PEAK1: variants seen among roughly 807,000 people sequenced by gnomAD.
PEAK1 encodes pseudopodium enriched atypical kinase 1, also known as inactive tyrosine-protein kinase PEAK1.
A neutral mutation model predicts 124.7 loss-of-function variants in PEAK1; 54 were observed. The ratio of observed to expected loss-of-function variants is 0.43; its 90% CI spans 0.35 to 0.54. PEAK1 has a LOEUF of 0.54. Among genes scored for constraint, PEAK1 ranks in the 20% least tolerant of loss-of-function variants. The probability of loss-of-function intolerance (pLI) is 0.01; values close to 1 mark genes in which losing one functional copy is unlikely to be tolerated. For synonymous variants in PEAK1, 719 were observed against 760.0 expected (o/e 0.95, Z 0.89); for missense variants, 2,046 against 2,134.5 (o/e 0.96, Z 0.82).
At chr15:77,403,673 T>C in intron 1 of PEAK1, 1 of 890,268 alleles carries the variant, frequency 1.1e-6, no homozygotes, top group Non-Finnish European at 1.3e-6. Flanking sequence ...TTAGTTTCCA[T>C]TCATCTCATT....
intron 7 of PEAK1, among the ~76,000 whole-genome samples, chr15:77,161,218 C>A (rs973251142): frequency 6.6e-6 from 1 of 152,224 alleles, no homozygotes; most frequent in African/African-American, 2.4e-5. Context: ...ATAGATTCCA[C>A]TGAGTTCTGG....
At chr15:77,242,631 C>G (rs1481054290) in intron 6 of PEAK1, among the ~76,000 whole-genome samples, 1 of 152,040 alleles carries the variant, frequency 6.6e-6, no homozygotes, top group Non-Finnish European at 1.5e-5. Flanking sequence ...GGGGTCTATT[C>G]TAATTGTTTT....
chr15:77,319,246 T>C (rs1409919830), intron 2 of PEAK1, among the ~76,000 whole-genome samples: 1 of 150,562 alleles, frequency 6.6e-6, no homozygotes, highest in Non-Finnish European at 1.5e-5. Context: ...TTGCCCCAAA[T>C]GTAGTTTAAA....
At chr15:77,350,465 T>G in intron 2 of PEAK1, 1 of 985,376 alleles carries the variant, frequency 1.0e-6, no homozygotes, top group Non-Finnish European at 1.2e-6. Context: ...AGTGTATATA[T>G]CTTAAGGTAT....
intron 2 of PEAK1, among the ~76,000 whole-genome samples, chr15:77,338,916 G>A (rs937444671): frequency 1.3e-5 from 2 of 151,886 alleles, no homozygotes; most frequent in East Asian, 1.9e-4. Context: ...GTAAAAAAGT[G>A]TCTAAATCTC....
intron 5 of PEAK1, among the ~76,000 whole-genome samples, chr15:77,283,268 C>T (rs1187312095): frequency 6.6e-6 from 1 of 152,080 alleles, no homozygotes; most frequent in Admixed American, 6.5e-5. Context: ...TGATTAGAAC[C>T]ATCTGGGAGA....
At chr15:77,137,502 G>C (rs972768695) in intron 8 of PEAK1, among the ~76,000 whole-genome samples, 1 of 152,214 alleles carries the variant, frequency 6.6e-6, no homozygotes, top group Non-Finnish European at 1.5e-5. Context: ...TGCAAGACAT[G>C]GAATCAAGGG....
intron 2 of PEAK1, chr15:77,355,802 T>G: frequency 1.0e-6 from 1 of 985,298 alleles, no homozygotes; most frequent in Non-Finnish European, 1.2e-6. Flanking sequence ...CCAATTCCTG[T>G]AGAATCGGAA....
intron 5 of PEAK1, among the ~76,000 whole-genome samples, chr15:77,263,417 C>T (rs146840966): frequency 5.9e-5 from 9 of 151,962 alleles, no homozygotes; most frequent in African/African-American, 9.6e-5. Flanking sequence ...AAATGATAAA[C>T]GGGATATCAC....
At chr15:77,317,605 T>C (rs1439312829) in intron 2 of PEAK1, among the ~76,000 whole-genome samples, 1 of 152,142 alleles carries the variant, frequency 6.6e-6, no homozygotes, top group Non-Finnish European at 1.5e-5. Flanking sequence ...CAGAGCTGGT[T>C]AAAAACAGAC....
At chr15:77,326,648 G>T (rs563650645) in intron 2 of PEAK1, among the ~76,000 whole-genome samples, 1 of 152,176 alleles carries the variant, frequency 6.6e-6, no homozygotes, top group South Asian at 2.1e-4. Context: ...TTAGCTCTTA[G>T]ATCCAATATC....
Position 77,114,254 on chromosome 15 carries a change from C to T in PEAK1, c.5143G>A (p.Gly1715Ser). 2 of 1,614,246 alleles carry T rather than the reference C, an allele frequency of 1.2e-6. No individual in the cohort carries two copies. Among genetic ancestry groups the T allele is most frequent in the Non-Finnish European group, 1.7e-6 (2 of 1,180,046 alleles). ...AGCCAGTCCTCAAGGCTGATTCCACCTTCCCTGTCCAGGGACTTCTCAGCA... is the reference window on the plus strand; with the variant it reads ...AGCCAGTCCTCAAGGCTGATTCCACTTTCCCTGTCCAGGGACTTCTCAGCA... The part of the protein sequence containing the change: ...KFAEKSLDRE[G>S]GISLEDWLCA... Residue 1715 changes from glycine (G) to serine (S), a missense_variant, in exon 10 of 10, where the codon GGT becomes AGT. Physicochemically the swap from Gly to Ser is moderately conservative, Grantham distance 56. Transcript: ENST00000682557.
At chr15:77,293,976 G>T (rs1244269101) in intron 2 of PEAK1, among the ~76,000 whole-genome samples, 1 of 152,168 alleles carries the variant, frequency 6.6e-6, no homozygotes, top group Non-Finnish European at 1.5e-5. Context: ...TAAGTGTGTT[G>T]ATTTGTTGCT....
intron 1 of PEAK1, among the ~76,000 whole-genome samples, chr15:77,377,798 G>A (rs1287136530): frequency 2.0e-5 from 3 of 152,082 alleles, no homozygotes; most frequent in Non-Finnish European, 2.9e-5. Context: ...TGTGGTCCTC[G>A]TTGACCAAAA....
chr15:77,149,933 A>G (rs1445420449), intron 8 of PEAK1, among the ~76,000 whole-genome samples: 2 of 152,014 alleles, frequency 1.3e-5, no homozygotes, highest in Non-Finnish European at 2.9e-5. Context: ...TATTTTTTGT[A>G]GAGATGGGGT....
intron 2 of PEAK1, chr15:77,334,048 T>C (rs1276223696): frequency 8.7e-6 from 6 of 690,576 alleles, no homozygotes; most frequent in Non-Finnish European, 1.8e-6. Flanking sequence ...GTTTAATCTC[T>C]GTACTTATTC....
At chr15:77,403,316 A>G (rs1034943507) in intron 1 of PEAK1, 5 of 952,992 alleles carry the variant, frequency 5.2e-6, no homozygotes, top group African/African-American at 3.5e-5. Flanking sequence ...AGTGCTAAAC[A>G]TGTTTTAAAA....
intron 8 of PEAK1, among the ~76,000 whole-genome samples, chr15:77,149,986 G>A (rs1360972744): frequency 6.6e-6 from 1 of 152,128 alleles, no homozygotes; most frequent in Non-Finnish European, 1.5e-5. Flanking sequence ...CTGAGCTCAA[G>A]TGATCTGCCC....
In PEAK1 at chr15:77,279,281, C is replaced by A. The variant is rs114262340; in HGVS notation, c.-275+4602G>T. 1.4e-3 allele frequency among the ~76,000 whole-genome samples: 218 copies of A among 152,220 alleles called. 2 individuals are homozygous for A. Among genetic ancestry groups the A allele is most frequent in the African/African-American group, 5.1e-3 (211 of 41,534 alleles). ...AGCTTTGAGAGACTTCTTCTTGGATCTCAGGAGGAGGGATTCCCTGACTTA... is the reference window on the plus strand; with the variant it reads ...AGCTTTGAGAGACTTCTTCTTGGATATCAGGAGGAGGGATTCCCTGACTTA... On this transcript the variant is annotated intron_variant, in intron 5 of 9. Coordinates refer to ENST00000682557, the MANE Select transcript of PEAK1 (RefSeq NM_001385026.1).
Sources: allele counts gnomAD v4.1 joint callset (sites outside exome capture counted in the v4.1 genomes callset), GRCh38; gene constraint gnomAD v4.1.1; transcripts MANE v1.5; gene names NCBI Gene and HGNC (gene_info 2026-07-23, HGNC 2026-07-21).